C2orf74: variants seen among roughly 807,000 people sequenced by gnomAD.
C2orf74 encodes the protein uncharacterized protein C2orf74.
C2orf74 carries 14 observed loss-of-function variants against 17.9 expected under a neutral mutation model. That is an observed-to-expected ratio of 0.78 (90% confidence interval 0.52 to 1.22). The LOEUF is 1.22. C2orf74 is among the 50% of genes most tolerant of loss of function. The pLI, the probability that C2orf74 is intolerant of heterozygous loss-of-function variation, is 0.00. For synonymous variants in C2orf74, 79 were observed against 72.6 expected (o/e 1.09, Z -0.44); for missense variants, 217 against 218.4 (o/e 0.99, Z 0.04).
At chr2:61,147,251 G>A (rs1182996805) in intron 1 of C2orf74, among the ~76,000 whole-genome samples, 1 of 148,176 alleles carries the variant, frequency 6.7e-6, no homozygotes, top group African/African-American at 2.5e-5. Context: ...GGTTTTCTCT[G>A]TTGCCGAGAC....
At chr2:61,152,551 T>A (rs1332954970) in intron 1 of C2orf74, among the ~76,000 whole-genome samples, 5 of 119,430 alleles carry the variant, frequency 4.2e-5, no homozygotes, top group African/African-American at 9.6e-5. Flanking sequence ...AAAAAAAAAT[T>A]AAAAAAAAAA....
upstream of C2orf74, among the ~76,000 whole-genome samples, chr2:61,157,704 T>G (rs925757427): frequency 5.9e-5 from 9 of 152,228 alleles, no homozygotes; most frequent in African/African-American, 2.2e-4. Context: ...TTAAGCTGAT[T>G]TAGATCACAT....
intron 1 of C2orf74, among the ~76,000 whole-genome samples, chr2:61,149,144 C>T (rs550145299): frequency 2.6e-5 from 4 of 152,160 alleles, no homozygotes; most frequent in African/African-American, 4.8e-5. Context: ...AGCCTAACTA[C>T]GGAGACCAAA....
chr2:61,163,988 A>T (rs1394564088), intron 4 of C2orf74, among the ~76,000 whole-genome samples: 1 of 152,012 alleles, frequency 6.6e-6, no homozygotes, highest in East Asian at 1.9e-4. Flanking sequence ...CTACAACAGC[A>T]CACAACACAG....
Position 61,154,363 on chromosome 2 carries a change from T to C in C2orf74, c.-121-8479T>C, listed in dbSNP as rs1238348884. ...CAAAAACAGGGAAAGTTTGAGAAAT[T>C]GTCACAGCCAAGAGGAGCCTAAGGA... On this transcript the variant is annotated intron_variant, in intron 1 of 3. Transcript: ENST00000426997. Among the ~76,000 whole-genome samples the C allele has an allele frequency of 3.3e-5, 5 of 152,172 alleles. No individual in the cohort carries two copies. In the South Asian group the frequency reaches 1.0e-3, roughly 32 times the overall value.
intron 1 of C2orf74, among the ~76,000 whole-genome samples, chr2:61,146,240 C>A (rs564565772): frequency 6.6e-6 from 1 of 152,284 alleles, no homozygotes; most frequent in African/African-American, 2.4e-5. Flanking sequence ...TAATGTGGAA[C>A]CATCTCTAGC....
At chr2:61,160,591 C>T (rs923287457), upstream of C2orf74, among the ~76,000 whole-genome samples, 3 of 152,036 alleles carry the variant, frequency 2.0e-5, no homozygotes, top group African/African-American at 4.8e-5. Flanking sequence ...TCACTGTAAC[C>T]TCTGCCTCCC....
upstream of C2orf74, among the ~76,000 whole-genome samples, chr2:61,160,127 T>C (rs1396993979): frequency 6.6e-6 from 1 of 152,076 alleles, no homozygotes; most frequent in Non-Finnish European, 1.5e-5. Context: ...GCCTTCAAAA[T>C]TCTTCCAAGT....
chr2:61,147,682 C>T lies in C2orf74; in HGVS notation c.-122+2486C>T, dbSNP rs546196459. 9.5e-4 allele frequency among the ~76,000 whole-genome samples: 144 copies of T among 152,206 alleles called. 1 individual carries two copies. The highest frequency in any genetic ancestry group is 2.0e-3 in the Non-Finnish European group (133 of 68,016). On this transcript the variant is annotated intron_variant, in intron 1 of 3. Transcript: ENST00000426997. Reference sequence around the variant, plus strand: ...ATTTTGCCTTTCCCTTTTTTATAGGCGTTTTAAAAATATTCTATACGTTGA... The same window carrying T: ...ATTTTGCCTTTCCCTTTTTTATAGGTGTTTTAAAAATATTCTATACGTTGA...
chr2:61,158,956 A>G (rs1240364562), upstream of C2orf74, among the ~76,000 whole-genome samples: 2 of 151,510 alleles, frequency 1.3e-5, no homozygotes, highest in African/African-American at 4.8e-5. Flanking sequence ...AATGGAAGAG[A>G]ATCCAAGAAC....
intron 1 of C2orf74, among the ~76,000 whole-genome samples, chr2:61,148,848 C>G (rs1685143186): frequency 6.6e-6 from 1 of 152,176 alleles, no homozygotes; most frequent in Non-Finnish European, 1.5e-5. Flanking sequence ...TCCTGAGTAT[C>G]TGGGATTACA....
chr2:61,146,504 C>G (rs1349519379), intron 1 of C2orf74, among the ~76,000 whole-genome samples: 1 of 152,072 alleles, frequency 6.6e-6, no homozygotes, highest in Non-Finnish European at 1.5e-5. Flanking sequence ...AAAAATAACA[C>G]TACAATAACT....
At chr2:61,154,746 A>G (rs1685344049) in intron 1 of C2orf74, among the ~76,000 whole-genome samples, 1 of 152,146 alleles carries the variant, frequency 6.6e-6, no homozygotes, top group Admixed American at 6.5e-5. Flanking sequence ...GAACATTTTT[A>G]CTGTGTGCTT....
chr2:61,163,481 G>A (rs566019196), intron 4 of C2orf74, among the ~76,000 whole-genome samples: 2 of 152,134 alleles, frequency 1.3e-5, no homozygotes, highest in South Asian at 2.1e-4. Flanking sequence ...GCACCCGCCT[G>A]TAATCCCAGC....
At chr2:61,164,319 T>G (rs777427683) in intron 4 of C2orf74, 35 bp from the exon 5 acceptor site, 1 of 1,463,494 alleles carries the variant, frequency 6.8e-7, no homozygotes, top group South Asian at 1.5e-5. Context: ...ATAAATTGAT[T>G]ATTTGTTTAT....
intron 1 of C2orf74, among the ~76,000 whole-genome samples, chr2:61,150,674 C>A (rs1289293826): frequency 6.6e-6 from 1 of 152,156 alleles, no homozygotes; most frequent in African/African-American, 2.4e-5. Flanking sequence ...GCGCTGCACA[C>A]CACATAGGGC....
chr2:61,154,756 TAAAAAG>T (rs1463127066), intron 1 of C2orf74, among the ~76,000 whole-genome samples: 1 of 152,042 alleles, frequency 6.6e-6, no homozygotes, highest in Non-Finnish European at 1.5e-5. Flanking sequence ...ACTGTGTGCT[TAAAAAG>T]AAACAGAAAA....
At chr2:61,156,025 G>A (rs1051380070) in intron 1 of C2orf74, among the ~76,000 whole-genome samples, 5 of 150,894 alleles carry the variant, frequency 3.3e-5, no homozygotes, top group Admixed American at 6.6e-5. Context: ...TAACCAGACC[G>A]TGTCTCTACA....
intron 1 of C2orf74, among the ~76,000 whole-genome samples, chr2:61,148,666 A>G (rs771126612): frequency 6.6e-5 from 10 of 152,100 alleles, no homozygotes; most frequent in Admixed American, 3.9e-4. Context: ...GATTTACAAG[A>G]GTTCTTTATA....
Sources: allele counts gnomAD v4.1 joint callset (sites outside exome capture counted in the v4.1 genomes callset), GRCh38; gene constraint gnomAD v4.1.1; transcripts MANE v1.5; gene names NCBI Gene and HGNC (gene_info 2026-07-23, HGNC 2026-07-21).